The following EFCAB5 variants were observed in gnomAD, a reference collection of about 807,000 sequenced individuals.
The protein encoded by EFCAB5 is EF-hand calcium binding domain 5.
EFCAB5 carries 131 observed loss-of-function variants against 167.9 expected under a neutral mutation model. That is an observed-to-expected ratio of 0.78 (90% CI 0.68 to 0.90). The LOEUF (loss-of-function observed/expected upper bound fraction) is 0.90. EFCAB5 is among the 40% of genes least tolerant of loss of function. EFCAB5 has a pLI of 0.00. For missense variants in EFCAB5, 1,663 were observed against 1,745.2 expected, an observed-to-expected ratio of 0.95 and a Z score of 0.84; for synonymous variants, 574 against 602.8, an observed-to-expected ratio of 0.95 and a Z score of 0.70.
intron 3 of EFCAB5, among the ~76,000 whole-genome samples, chr17:29,966,192 G>A (rs778821689): frequency 6.6e-6 from 1 of 152,100 alleles, no homozygotes; most frequent in African/African-American, 2.4e-5. Flanking sequence ...ATTACAAATG[G>A]AAACTCCATT....
At chr17:30,077,992 T>TAAAAC (rs1010418558) in intron 14 of EFCAB5, among the ~76,000 whole-genome samples, 1 of 152,092 alleles carries the variant, frequency 6.6e-6, no homozygotes, top group Non-Finnish European at 1.5e-5. Context: ...GTGGTAAAAT[T>TAAAAC]AAAACAAAAC....
At chr17:30,030,883 G>A (rs1417771228) in intron 7 of EFCAB5, among the ~76,000 whole-genome samples, 1 of 152,050 alleles carries the variant, frequency 6.6e-6, no homozygotes, top group Non-Finnish European at 1.5e-5. Flanking sequence ...TCAAGCTCTT[G>A]GCCTCAAGTG....
chr17:30,093,076 A>G, intron 22 of EFCAB5, 140 bp downstream of exon 22: 1 of 548,816 alleles, frequency 1.8e-6, no homozygotes, highest in Non-Finnish European at 3.1e-6. Context: ...GAGGAGGGAC[A>G]CTATGTAATC....
chr17:30,097,432 T>A (rs2071319573), intron 22 of EFCAB5, among the ~76,000 whole-genome samples: 1 of 152,246 alleles, frequency 6.6e-6, no homozygotes, highest in Non-Finnish European at 1.5e-5. Context: ...ATATCTTCTC[T>A]TTCATACTCT....
intron 3 of EFCAB5, among the ~76,000 whole-genome samples, chr17:29,947,221 A>C (rs2067420611): frequency 6.6e-6 from 1 of 152,118 alleles, no homozygotes; most frequent in South Asian, 2.1e-4. Flanking sequence ...ACACCATGGA[A>C]TATTACTCAG....
At chr17:30,107,051 T>C (rs1441963937) in intron 22 of EFCAB5, among the ~76,000 whole-genome samples, 1 of 152,220 alleles carries the variant, frequency 6.6e-6, no homozygotes. Flanking sequence ...TTCAACTCTA[T>C]ATAGTCTTTC....
intron 3 of EFCAB5, among the ~76,000 whole-genome samples, chr17:29,965,429 A>G (rs2067809016): frequency 6.6e-6 from 1 of 152,130 alleles, no homozygotes; most frequent in Non-Finnish European, 1.5e-5. Flanking sequence ...TTTTAAATCC[A>G]TTGAGACTAG....
chr17:30,089,588 CAGATGCTAT>C (rs1388608129), intron 19 of EFCAB5, among the ~76,000 whole-genome samples: 1 of 152,164 alleles, frequency 6.6e-6, no homozygotes, highest in Non-Finnish European at 1.5e-5. Flanking sequence ...CTCACTGAGG[CAGATGCTAT>C]AGATGCTCTA....
intron 10 of EFCAB5, among the ~76,000 whole-genome samples, chr17:30,055,116 G>A (rs1479666395): frequency 1.3e-5 from 2 of 151,990 alleles, no homozygotes; most frequent in Non-Finnish European, 2.9e-5. Context: ...TGAGCAACAT[G>A]GCGAAACGCC....
At chr17:29,979,208 G>A (rs988909176) in intron 4 of EFCAB5, among the ~76,000 whole-genome samples, 5 of 152,090 alleles carry the variant, frequency 3.3e-5, no homozygotes, top group Admixed American at 6.5e-5. Flanking sequence ...AATTTAGCCA[G>A]GTGTGGTGGC....
Position 30,053,731 on chromosome 17 carries a change from G to A in EFCAB5, c.1777G>A (p.Val593Ile). 2 of 1,613,976 alleles carry A rather than the reference G, an allele frequency of 1.2e-6. No homozygotes were observed. Among genetic ancestry groups the A allele is most frequent in the East Asian group, 2.2e-5 (1 of 44,876 alleles). Residue 593 changes from valine to isoleucine, a missense_variant, in exon 10 of 23, where the codon GTT becomes ATT. Transcript: ENST00000394835. The part of the protein sequence containing the change: ...IEGQGPRRVS[V>I]SEQGSSRESV... The stretch of plus-strand genomic sequence containing the variant: ...AGGACAAGGACCACGCAGAGTGTCA[G>A]TTTCAGAACAAGGATCAAGCAGAGA...
chr17:29,951,957 C>T (rs973022566), intron 3 of EFCAB5, among the ~76,000 whole-genome samples: 2 of 152,148 alleles, frequency 1.3e-5, no homozygotes, highest in Non-Finnish European at 2.9e-5. Context: ...ATACTTATGA[C>T]CCTGTGCCAG....
At chr17:30,101,647 G>A (rs1023240660) in intron 22 of EFCAB5, among the ~76,000 whole-genome samples, 1 of 152,228 alleles carries the variant, frequency 6.6e-6, no homozygotes, top group Non-Finnish European at 1.5e-5. Context: ...TTGGCAAAGA[G>A]AGGAAAGTCT....
chr17:29,962,651 T>A (rs932645472), intron 3 of EFCAB5, among the ~76,000 whole-genome samples: 2 of 150,320 alleles, frequency 1.3e-5, no homozygotes, highest in African/African-American at 4.9e-5. Flanking sequence ...TTTTTTTTTT[T>A]AGACAGGGTC....
intron 7 of EFCAB5, among the ~76,000 whole-genome samples, chr17:30,026,908 T>C (rs2069338366): frequency 6.7e-6 from 1 of 150,114 alleles, no homozygotes; most frequent in Non-Finnish European, 1.5e-5. Flanking sequence ...TTTCATCTTC[T>C]GCTTTTAAAA....
chr17:30,099,162 C>A (rs554701657), intron 22 of EFCAB5, among the ~76,000 whole-genome samples: 1 of 152,146 alleles, frequency 6.6e-6, no homozygotes, highest in Non-Finnish European at 1.5e-5. Flanking sequence ...TGTATACATA[C>A]CTTTGGAGTG....
chr17:30,066,385 A>ATTTATAC (rs1651666195), intron 14 of EFCAB5, among the ~76,000 whole-genome samples: 1 of 152,062 alleles, frequency 6.6e-6, no homozygotes, highest in South Asian at 2.1e-4. Context: ...TTTTTTTTGA[A>ATTTATAC]TTTTTACTTT....
intron 4 of EFCAB5, among the ~76,000 whole-genome samples, chr17:29,983,315 G>A (rs974782229): frequency 1.3e-5 from 2 of 152,214 alleles, no homozygotes; most frequent in Non-Finnish European, 2.9e-5. Flanking sequence ...TGGTATTGTA[G>A]TGGAAGGGCT....
At chr17:30,096,467 C>T (rs1026898568) in intron 22 of EFCAB5, among the ~76,000 whole-genome samples, 6 of 151,636 alleles carry the variant, frequency 4.0e-5, no homozygotes, top group African/African-American at 1.5e-4. Context: ...TGCTTGGGGC[C>T]AGAAGTTCAA....
Sources: gnomAD v4.1 joint callset for allele counts (sites outside exome capture counted in the v4.1 genomes callset) on GRCh38, gnomAD v4.1.1 for gene constraint, MANE v1.5 for transcripts, NCBI Gene and HGNC (gene_info 2026-07-23, HGNC 2026-07-21) for gene names.